KDM5C: variants seen among roughly 807,000 people sequenced by gnomAD.
KDM5C encodes lysine-specific demethylase 5C.
Under a neutral mutation model 110.6 loss-of-function variants are expected in KDM5C, and 16 were observed. That is an observed-to-expected ratio of 0.14 (90% CI 0.10 to 0.22). The LOEUF is 0.22. Ranked by LOEUF, KDM5C falls within the 10% of genes least tolerant of loss-of-function variation. KDM5C has a pLI of 1.00. For synonymous variants in KDM5C, 511 were observed against 520.4 expected, an observed-to-expected ratio of 0.98 and a Z score of 0.24; for missense variants, 681 against 1,300.9, an observed-to-expected ratio of 0.52 and a Z score of 7.33.
chrX:53,205,998 A>T (rs1450552326), intron 12 of KDM5C, among the ~76,000 whole-genome samples: 3 of 112,308 alleles, frequency 2.7e-5, no homozygotes, highest in African/African-American at 9.7e-5. Flanking sequence ...CTGCACCCTG[A>T]TGCTGGCAAT....
Position 53,194,475 on chromosome X carries a change from G to A in KDM5C, c.3702C>T (p.Ala1234=), listed in dbSNP as rs1556834262. The A allele has an allele frequency of 8.3e-7, 1 of 1,211,043 alleles. No individual in the cohort carries two copies. Among genetic ancestry groups the A allele is most frequent in the South Asian group, 1.8e-5 (1 of 56,796 alleles). Residue 1234 remains alanine (A), a synonymous_variant, in exon 23 of 26, where the codon GCC becomes GCT. Coordinates refer to ENST00000375401, the MANE Select transcript of KDM5C (RefSeq NM_004187.5). The part of the protein sequence containing the change: ...RPNPTSSPLL[A]WWEWDTKFLC... Reference sequence around the variant, plus strand: ...GGAATTTGGTGTCCCATTCCCACCAGGCCAGCAGTGGGGATGAGGTGGGAT... The same window carrying A: ...GGAATTTGGTGTCCCATTCCCACCAAGCCAGCAGTGGGGATGAGGTGGGAT...
At chrX:53,201,032 C>A (rs2073123979) in intron 14 of KDM5C, among the ~76,000 whole-genome samples, 1 of 112,820 alleles carries the variant, frequency 8.9e-6, no homozygotes, top group South Asian at 3.6e-4. Context: ...ATAATAGCAG[C>A]TGCAACATTG....
chrX:53,200,761 A>G (rs1668901459), intron 14 of KDM5C, among the ~76,000 whole-genome samples: 1 of 112,472 alleles, frequency 8.9e-6, no homozygotes, highest in Admixed American at 9.4e-5. Context: ...CACAAAGTCA[A>G]TTCCCTAACT....
intron 25 of KDM5C, among the ~76,000 whole-genome samples, chrX:53,185,770 A>G (rs1334048034): frequency 8.9e-6 from 1 of 111,882 alleles, no homozygotes; most frequent in Non-Finnish European, 1.9e-5. Context: ...GTAGCCTGAT[A>G]AAGTCCTAGT....
chrX:53,193,764 T>C lies in KDM5C; in HGVS notation c.4117+9A>G, dbSNP rs367909568. 116 of 1,202,314 alleles carry C rather than the reference T, an allele frequency of 9.6e-5. 1 individual carries two copies. Among genetic ancestry groups the C allele is most frequent in the Non-Finnish European group, 2.7e-5 (24 of 888,170 alleles). ...GTCAACAGCCTACCCACACCACACC[T>C]AGACCTACCTCTCTTACCTGAGCCC... On this transcript the variant is annotated intron_variant, in intron 24 of 25. Coordinates refer to ENST00000375401, the MANE Select transcript of KDM5C (RefSeq NM_004187.5).
Position 53,194,352 on chromosome X carries a change from G to A in KDM5C, c.3825C>T (p.Gly1275=), listed in dbSNP as rs1934662627. ...TCTCTGTGAGGCACTGCAGGGCCTC[G>A]CCCTCGGGCAGCCGCACAGGCAGTC... The part of the protein sequence containing the change: ...LQRLPVRLPE[G]EALQCLTERA... The change falls in exon 23 of 26, where the codon GGC becomes GGT. Residue 1275 remains glycine, a synonymous_variant. Coordinates refer to ENST00000375401, the MANE Select transcript of KDM5C (RefSeq NM_004187.5). The A allele has an allele frequency of 1.7e-6, 2 of 1,211,537 alleles. No individual in the cohort carries two copies. The highest frequency in any genetic ancestry group is 3.0e-5 in the East Asian group (1 of 33,819).
chrX:53,184,429 A>G (rs1934159788), intron 25 of KDM5C, among the ~76,000 whole-genome samples: 2 of 110,440 alleles, frequency 1.8e-5, no homozygotes, highest in South Asian at 7.6e-4. Flanking sequence ...TTTTGTAGAG[A>G]TGGGGTCTTG....
chrX:53,187,193 C>T (rs929708408), downstream of KDM5C, among the ~76,000 whole-genome samples: 1 of 110,892 alleles, frequency 9.0e-6, no homozygotes, highest in Non-Finnish European at 1.9e-5. Flanking sequence ...GAGTGCCCAA[C>T]CTGCCAACAG....
chrX:53,198,273 G>A (rs2073025355), intron 17 of KDM5C, among the ~76,000 whole-genome samples: 1 of 111,807 alleles, frequency 8.9e-6, no homozygotes, highest in African/African-American at 3.3e-5. Context: ...AACACTTCTA[G>A]CTTTCTTATC....
At chrX:53,178,359 A>G (rs1191545420) in intron 25 of KDM5C, among the ~76,000 whole-genome samples, 2 of 112,267 alleles carry the variant, frequency 1.8e-5, no homozygotes, top group Non-Finnish European at 3.8e-5. Flanking sequence ...AAGTATACAC[A>G]TGACTGGCCT....
intron 12 of KDM5C, among the ~76,000 whole-genome samples, chrX:53,203,983 G>A (rs1216550435): frequency 9.0e-6 from 1 of 111,324 alleles, no homozygotes; most frequent in African/African-American, 3.3e-5. Context: ...TCAAACTCCT[G>A]ACCTCAGGTG....
downstream of KDM5C, among the ~76,000 whole-genome samples, chrX:53,188,452 C>T (rs782471809): frequency 2.8e-5 from 3 of 108,971 alleles, no homozygotes; most frequent in South Asian, 4.1e-4. Flanking sequence ...CTTGGCTCAC[C>T]GCAACCTCTG....
chrX:53,206,389 G>A (rs1449563674), intron 12 of KDM5C, among the ~76,000 whole-genome samples: 5 of 111,701 alleles, frequency 4.5e-5, no homozygotes, highest in Non-Finnish European at 9.4e-5. Context: ...GGATTGTAGA[G>A]ATGGTAGCAC....
At chrX:53,183,651 C>T (rs1556827132) in intron 25 of KDM5C, among the ~76,000 whole-genome samples, 1 of 108,003 alleles carries the variant, frequency 9.3e-6, no homozygotes, top group Non-Finnish European at 1.9e-5. Flanking sequence ...TCACTGCAAC[C>T]TCCGCCTCCC....
downstream of KDM5C, among the ~76,000 whole-genome samples, chrX:53,188,655 G>T (rs782305551): frequency 1.8e-5 from 2 of 111,547 alleles, no homozygotes; most frequent in Non-Finnish European, 3.8e-5. Flanking sequence ...GATTACAGGT[G>T]TGAGCCACTG....
At position 53,192,873 on chromosome X, in the gene KDM5C, G is replaced by GCCCCC; in HGVS notation, c.*93_*94insGGGGG. ...AGCAGGGATGGCCACCCCCCTACCC[G>GCCCCC]CCCACCCCCCAAGAAGCAGGCTTGA... On this transcript the variant is annotated 3_prime_UTR_variant, in exon 26 of 26. Transcript: ENST00000375401. The GCCCCC allele has an allele frequency of 1.3e-5, 3 of 230,664 alleles. No homozygotes were observed. Among genetic ancestry groups the GCCCCC allele is most frequent in the Non-Finnish European group, 1.9e-5 (3 of 159,366 alleles). The allele number at this position is 230,664 out of a possible 1,213,427, so 19.0% of individuals were successfully genotyped here.
At chrX:53,190,043 A>G (rs187100528), downstream of KDM5C, among the ~76,000 whole-genome samples, 20 of 112,432 alleles carry the variant, frequency 1.8e-4, no homozygotes, top group African/African-American at 5.2e-4. Context: ...CAGCTAGGTG[A>G]TATCTCTATA....
chrX:53,217,314 C>T (rs782612916), intron 4 of KDM5C, 37 bp from the exon 5 acceptor site: 1 of 1,206,529 alleles, frequency 8.3e-7, no homozygotes, highest in African/African-American at 1.7e-5. Flanking sequence ...AGGACATGGA[C>T]TCCAGCCCGC....
downstream of KDM5C, among the ~76,000 whole-genome samples, chrX:53,187,512 T>C (rs997565276): frequency 9.0e-6 from 1 of 111,262 alleles, no homozygotes; most frequent in Admixed American, 9.6e-5. Flanking sequence ...ATGTCTCCCA[T>C]TTCCCCTCTT....
Sources: allele counts gnomAD v4.1 joint callset (sites outside exome capture counted in the v4.1 genomes callset), GRCh38; gene constraint gnomAD v4.1.1; transcripts MANE v1.5; gene names NCBI Gene and HGNC (gene_info 2026-07-23, HGNC 2026-07-21).